NDRG3: variants seen among roughly 807,000 people sequenced by gnomAD.
NDRG3 encodes the protein NDRG family member 3, also known as protein NDRG3.
NDRG3 carries 23 observed loss-of-function variants against 57.2 expected under a neutral mutation model. The observed-to-expected ratio is 0.40, with a 90% CI of 0.29 to 0.57. The LOEUF (loss-of-function observed/expected upper bound fraction) is 0.57, where lower values mean the gene tolerates loss of function less well. Among genes scored for constraint, NDRG3 ranks in the 20% least tolerant of loss-of-function variants. NDRG3 has a pLI of 0.42. For synonymous variants in NDRG3, 132 were observed against 162.6 expected (o/e 0.81, Z 1.43); for missense variants, 384 against 457.3 (o/e 0.84, Z 1.46).
At chr20:36,685,974 T>TACTCCAGCCTGA (rs1340110321) in intron 5 of NDRG3, among the ~76,000 whole-genome samples, 11 of 152,168 alleles carry the variant, frequency 7.2e-5, no homozygotes, top group African/African-American at 2.7e-4. Context: ...CACGCCACTG[T>TACTCCAGCCTGA]ACTCCAGCCT....
At chr20:36,687,417 C>T (rs542773554) in intron 5 of NDRG3, 75 bp downstream of exon 5, 3 of 1,549,748 alleles carry the variant, frequency 1.9e-6, no homozygotes, top group East Asian at 2.3e-5. Context: ...GAAGCACACA[C>T]CACTTCTCCC....
At position 36,671,302 on chromosome 20, in the gene NDRG3, C is replaced by T. The variant is rs192419018; in HGVS notation, c.588+39G>A. 1.2e-5 allele frequency: 18 copies of T among 1,535,168 alleles called. No individual in the cohort carries two copies. In the Admixed American group the frequency reaches 3.3e-4, roughly 28 times the overall value. ...GGTAAAATAAGAATTTGCATGCAAG[C>T]CAATAAACACAGCTCTTCTGGGTGG... On this transcript the variant is annotated intron_variant, in intron 9 of 15. Coordinates refer to ENST00000349004, the MANE Select transcript of NDRG3 (RefSeq NM_032013.4).
intron 2 of NDRG3, among the ~76,000 whole-genome samples, chr20:36,712,001 G>A (rs1009191314): frequency 2.0e-5 from 3 of 152,128 alleles, no homozygotes; most frequent in Non-Finnish European, 4.4e-5. Context: ...GGATGGTCTC[G>A]ATCTCCTGAC....
intron 1 of NDRG3, among the ~76,000 whole-genome samples, chr20:36,735,702 T>G (rs1395922175): frequency 6.6e-6 from 1 of 151,720 alleles, no homozygotes; most frequent in East Asian, 1.9e-4. Context: ...AAGAAAGAAT[T>G]AAAGACAATA....
intron 3 of NDRG3, among the ~76,000 whole-genome samples, chr20:36,699,087 G>A (rs1353258927): frequency 6.6e-6 from 1 of 151,852 alleles, no homozygotes; most frequent in Non-Finnish European, 1.5e-5. Context: ...GACTACAGGC[G>A]CATACTGCTA....
At chr20:36,680,711 C>G in intron 8 of NDRG3, 105 bp downstream of exon 8, 2 of 769,132 alleles carry the variant, frequency 2.6e-6, no homozygotes, top group Non-Finnish European at 4.4e-6. Context: ...AAGCTATATA[C>G]TTAACATTTT....
intron 1 of NDRG3, among the ~76,000 whole-genome samples, chr20:36,744,984 G>A (rs938640911): frequency 4.7e-5 from 7 of 149,246 alleles, no homozygotes; most frequent in Non-Finnish European, 8.9e-5. Flanking sequence ...GGGGGGGCGC[G>A]GCGGGGGTGA....
At chr20:36,713,312 T>C (rs1336776202) in intron 2 of NDRG3, among the ~76,000 whole-genome samples, 1 of 152,028 alleles carries the variant, frequency 6.6e-6, no homozygotes, top group Non-Finnish European at 1.5e-5. Context: ...TTAGTGGCCA[T>C]ATGTAAAAGG....
chr20:36,741,879 G>A (rs1040704669), intron 1 of NDRG3, among the ~76,000 whole-genome samples: 1 of 152,150 alleles, frequency 6.6e-6, no homozygotes, highest in African/African-American at 2.4e-5. Flanking sequence ...AAGCTCTCAA[G>A]GTAATGCTGG....
At chr20:36,710,868 T>C (rs1983830245) in intron 2 of NDRG3, among the ~76,000 whole-genome samples, 1 of 146,876 alleles carries the variant, frequency 6.8e-6, no homozygotes, top group Non-Finnish European at 1.5e-5. Flanking sequence ...TAGTCCCATC[T>C]ACTTGGGAGG....
rs1297255527 is a variant in NDRG3 at position 36,656,040 on chromosome 20, A to C, written c.946+320T>G. On this transcript the variant is annotated intron_variant, in intron 15 of 15. Coordinates refer to ENST00000349004, the MANE Select transcript of NDRG3 (RefSeq NM_032013.4). ...TCCCAGCTACTTGGGAGGCTGAGGC[A>C]GGAGAATCGCTTGAACCCAGGAGGC... 6.0e-5 allele frequency among the ~76,000 whole-genome samples: 9 copies of C among 150,802 alleles called. No homozygotes were observed. The East Asian group carries it at 1.6e-3, about 26-fold the overall frequency.
intron 3 of NDRG3, among the ~76,000 whole-genome samples, chr20:36,696,136 G>A (rs1982768826): frequency 6.6e-6 from 1 of 152,032 alleles, no homozygotes; most frequent in Non-Finnish European, 1.5e-5. Context: ...CACTCTTGTT[G>A]CCCAGGCTGG....
intron 2 of NDRG3, among the ~76,000 whole-genome samples, chr20:36,717,476 G>A (rs1372458686): frequency 1.3e-5 from 2 of 152,204 alleles, no homozygotes; most frequent in Non-Finnish European, 1.5e-5. Context: ...AGCCACAAAG[G>A]TGATGCCAAA....
Position 36,653,645 on chromosome 20 carries a change from T to C in NDRG3, c.1003A>G (p.Ser335Gly). The change falls in exon 16 of 16, where the codon AGC (serine) becomes GGC (glycine). Residue 335 changes from serine to glycine, a missense_variant. By Grantham distance (56) the Ser-to-Gly change is moderately conservative. Coordinates refer to ENST00000349004, the MANE Select transcript of NDRG3 (RefSeq NM_032013.4). This position sits in a 1 kb window ranked among gnomAD's most constrained non-coding sequence, Gnocchi z 4.2. ...AAGGGACTTTCTCCAGAGCCGAGGC[T>C]ACTCGAGGTTGAGTGGGTTCGTGAT... ...ARSRTHSTSSSLGSGESPFSR... is the reference protein window; with the variant it reads ...ARSRTHSTSSGLGSGESPFSR... 1 of 1,614,176 alleles carries C rather than the reference T, an allele frequency of 6.2e-7. No individual in the cohort carries two copies. Among genetic ancestry groups the C allele is most frequent in the Non-Finnish European group, 8.5e-7 (1 of 1,180,044 alleles).
At chr20:36,745,977 C>T in intron 1 of NDRG3, 68 bp downstream of exon 1, 1 of 301,832 alleles carries the variant, frequency 3.3e-6, no homozygotes, top group Non-Finnish European at 6.2e-6. Flanking sequence ...AGGAGCAGGG[C>T]AAAGGAGCGA....
chr20:36,703,727 C>T (rs1245361199), intron 3 of NDRG3, among the ~76,000 whole-genome samples: 1 of 152,202 alleles, frequency 6.6e-6, no homozygotes, highest in Non-Finnish European at 1.5e-5. Context: ...TCTGGGATTA[C>T]AGGCATGAGC....
chr20:36,698,692 A>G (rs1454857775), intron 3 of NDRG3, among the ~76,000 whole-genome samples: 1 of 152,128 alleles, frequency 6.6e-6, no homozygotes, highest in Non-Finnish European at 1.5e-5. Context: ...TATAATGTCA[A>G]AAAAACTGGA....
intron 3 of NDRG3, chr20:36,700,627 C>G: frequency 2.7e-6 from 1 of 369,582 alleles, no homozygotes. Context: ...GGCTCTCTAT[C>G]CAGTTATCTC....
At chr20:36,671,680 T>C (rs773436914) in intron 8 of NDRG3, among the ~76,000 whole-genome samples, 10 of 151,706 alleles carry the variant, frequency 6.6e-5, no homozygotes, top group Non-Finnish European at 1.2e-4. Flanking sequence ...CAGGTACCTG[T>C]AGTCCCTGCT....
Sources: gnomAD v4.1 joint callset for allele counts (sites outside exome capture counted in the v4.1 genomes callset) on GRCh38, gnomAD v4.1.1 for gene constraint, Gnocchi (gnomAD v3.1) non-coding constraint, MANE v1.5 for transcripts, NCBI Gene and HGNC (gene_info 2026-07-23, HGNC 2026-07-21) for gene names.